Variants in DCLK1 observed in about 807,000 individuals in gnomAD.
DCLK1 encodes the protein serine/threonine-protein kinase DCLK1.
DCLK1 carries 16 observed loss-of-function variants against 86.2 expected under a neutral mutation model. The observed-to-expected ratio is 0.19, with a 90% confidence interval of 0.13 to 0.28. The LOEUF (loss-of-function observed/expected upper bound fraction) is 0.28, where lower values mean the gene tolerates loss of function less well. Among genes scored for constraint, DCLK1 ranks in the 10% least tolerant of loss-of-function variants. The pLI, the probability that DCLK1 is intolerant of heterozygous loss-of-function variation, is 1.00. For missense variants in DCLK1, 590 were observed against 940.2 expected, an observed-to-expected ratio of 0.63 and a Z score of 4.87; for synonymous variants, 369 against 370.5, an observed-to-expected ratio of 1.00 and a Z score of 0.05.
At chr13:36,129,294 T>C (rs2138228829) in intron 1 of DCLK1, among the ~76,000 whole-genome samples, 1 of 152,232 alleles carries the variant, frequency 6.6e-6, no homozygotes, top group African/African-American at 2.4e-5. Context: ...CCACACCAGA[T>C]GAAAAAAGAA....
At chr13:35,914,335 AT>A (rs1566600178) in intron 4 of DCLK1, among the ~76,000 whole-genome samples, 413 of 2,140 alleles carry the variant, frequency 0.19, 8 homozygotes, top group Non-Finnish European at 0.25. Context: ...AAAAAAAAAT[AT>A]ATATATATAT....
chr13:35,837,166 G>A (rs1869445335), intron 7 of DCLK1, among the ~76,000 whole-genome samples: 1 of 152,184 alleles, frequency 6.6e-6, no homozygotes, highest in African/African-American at 2.4e-5. Flanking sequence ...TTGTATTCAT[G>A]CTTGCTCTGT....
intron 3 of DCLK1, among the ~76,000 whole-genome samples, chr13:35,958,076 CACT>C (rs1406134610): frequency 0.023 from 681 of 29,932 alleles, 17 homozygotes; most frequent in East Asian, 0.13. Flanking sequence ...GCACCACCAC[CACT>C]ACTATAACCA....
intron 6 of DCLK1, among the ~76,000 whole-genome samples, chr13:35,852,267 T>G (rs1465908931): frequency 6.6e-6 from 1 of 152,190 alleles, no homozygotes; most frequent in East Asian, 1.9e-4. Flanking sequence ...AGGGATCTTC[T>G]AGGCCCATTT....
chr13:35,952,416 C>T (rs959008746), intron 3 of DCLK1, among the ~76,000 whole-genome samples: 36 of 152,298 alleles, frequency 2.4e-4, no homozygotes, highest in Middle Eastern at 6.8e-3. Context: ...AGGTGGGACA[C>T]GGTTTATACC....
At chr13:35,822,666 A>C in intron 11 of DCLK1, 63 bp downstream of exon 11, 195 of 1,473,474 alleles carry the variant, frequency 1.3e-4, no homozygotes, top group Middle Eastern at 1.8e-4. Flanking sequence ...GAAAAAAGAA[A>C]TATTCATATT....
intron 4 of DCLK1, among the ~76,000 whole-genome samples, chr13:35,875,166 A>T (rs1366146192): frequency 1.3e-5 from 2 of 152,228 alleles, no homozygotes; most frequent in African/African-American, 4.8e-5. Flanking sequence ...GTTAAGTAAC[A>T]TTCAATTTTC....
intron 3 of DCLK1, among the ~76,000 whole-genome samples, chr13:36,063,622 C>A (rs1226098833): frequency 6.6e-6 from 1 of 152,170 alleles, no homozygotes; most frequent in African/African-American, 2.4e-5. Context: ...CCAGACCACT[C>A]ACCTTTTTGC....
chr13:36,058,392 A>G (rs1225593125), intron 3 of DCLK1, among the ~76,000 whole-genome samples: 1 of 152,168 alleles, frequency 6.6e-6, no homozygotes, highest in African/African-American at 2.4e-5. Context: ...TGAGAACCAG[A>G]TATTAGTGCC....
intron 4 of DCLK1, among the ~76,000 whole-genome samples, chr13:35,931,719 C>A (rs551416699): frequency 4.3e-4 from 66 of 152,198 alleles, no homozygotes; most frequent in Admixed American, 3.9e-3. Context: ...GGAAAAGAAG[C>A]TTTTGGGAAG....
chr13:35,785,307 A>C (rs2086600996), intron 16 of DCLK1, among the ~76,000 whole-genome samples: 1 of 152,140 alleles, frequency 6.6e-6, no homozygotes, highest in African/African-American at 2.4e-5. Flanking sequence ...CCCTTTGAAT[A>C]AGGATGCATT....
At chr13:35,845,771 A>G (rs9315369) in intron 6 of DCLK1, 59,586 of 254,098 alleles carry the variant, frequency 0.23, 7,241 homozygotes, top group African/African-American at 0.33. Flanking sequence ...AATATCACTC[A>G]TTGATGCTAA....
In DCLK1 at chr13:36,061,735, T is replaced by C. The variant is rs184288266; in HGVS notation, c.723+50134A>G. On this transcript the variant is annotated intron_variant, in intron 3 of 16. Transcript: ENST00000360631. Reference sequence around the variant, plus strand: ...TGGCTCAACTTAAATATAATTTGGCTCAACTTAGTGTTTGACAGAGAGCCC... The same window carrying C: ...TGGCTCAACTTAAATATAATTTGGCCCAACTTAGTGTTTGACAGAGAGCCC... Among the ~76,000 whole-genome samples the C allele has an allele frequency of 9.1e-4, 139 of 152,316 alleles. 1 individual carries two copies. Among genetic ancestry groups the C allele is most frequent in the Admixed American group, 7.1e-3 (108 of 15,296 alleles).
chr13:35,827,078 G>A (rs1242781709), intron 10 of DCLK1, among the ~76,000 whole-genome samples: 3 of 152,174 alleles, frequency 2.0e-5, no homozygotes, highest in Admixed American at 1.3e-4. Flanking sequence ...TGGCTATCCC[G>A]ATAGTTTGTT....
At chr13:35,948,320 C>T (rs1046590137) in intron 3 of DCLK1, among the ~76,000 whole-genome samples, 16 of 152,132 alleles carry the variant, frequency 1.1e-4, no homozygotes, top group African/African-American at 2.7e-4. Context: ...ACCACTTGGA[C>T]GAATCATAAG....
At chr13:35,996,129 A>T (rs1310862245) in intron 3 of DCLK1, among the ~76,000 whole-genome samples, 1 of 152,084 alleles carries the variant, frequency 6.6e-6, no homozygotes, top group Non-Finnish European at 1.5e-5. Flanking sequence ...GGGCTTCACC[A>T]TGTTGGTCAT....
At chr13:36,041,787 A>G (rs1268985021) in intron 3 of DCLK1, among the ~76,000 whole-genome samples, 2 of 152,180 alleles carry the variant, frequency 1.3e-5, no homozygotes, top group African/African-American at 4.8e-5. Flanking sequence ...CTATACTTCA[A>G]TCCACTCACT....
chr13:35,781,695 GA>G (rs1271446427), intron 16 of DCLK1, among the ~76,000 whole-genome samples: 3 of 152,038 alleles, frequency 2.0e-5, no homozygotes, highest in African/African-American at 7.2e-5. Flanking sequence ...ATTAATAAAA[GA>G]ACATTATTGT....
chr13:35,799,815 G>T (rs536104400), intron 15 of DCLK1, among the ~76,000 whole-genome samples: 8 of 151,986 alleles, frequency 5.3e-5, no homozygotes, highest in Non-Finnish European at 1.2e-4. Context: ...TCAATAAACC[G>T]TCATTTGTGG....
Sources: gnomAD v4.1 joint callset for allele counts (sites outside exome capture counted in the v4.1 genomes callset) on GRCh38, gnomAD v4.1.1 for gene constraint, MANE v1.5 for transcripts, NCBI Gene and HGNC (gene_info 2026-07-23, HGNC 2026-07-21) for gene names.